METTL9: variants seen among roughly 807,000 people sequenced by gnomAD.
The protein encoded by METTL9 is protein-L-histidine N-pros-methyltransferase.
In METTL9, 10 loss-of-function variants were observed where a neutral mutation model predicts 36.0. The observed-to-expected ratio is 0.28, with a 90% CI of 0.17 to 0.47. METTL9 has a LOEUF of 0.47. Among genes scored for constraint, METTL9 ranks in the 20% least tolerant of loss-of-function variants. The probability of loss-of-function intolerance (pLI) is 0.99; values close to 1 mark genes in which losing one functional copy is unlikely to be tolerated. For missense variants in METTL9, 246 were observed against 383.5 expected (o/e 0.64, Z 3.00); for synonymous variants, 175 against 149.7 (o/e 1.17, Z -1.23).
At chr16:21,629,509 G>C (rs1046626653) in intron 4 of METTL9, among the ~76,000 whole-genome samples, 5 of 152,170 alleles carry the variant, frequency 3.3e-5, no homozygotes, top group African/African-American at 1.2e-4. Flanking sequence ...CAGGAATGAA[G>C]CTACAAACCT....
chr16:21,644,315 C>G, intron 4 of METTL9: 1 of 1,613,554 alleles, frequency 6.2e-7, no homozygotes, highest in Non-Finnish European at 8.5e-7. Context: ...GAAGGCCACG[C>G]ACACACCGGT....
rs57264395 is a variant in METTL9, at chr16:21,601,729, CTGTGTGTGTG to C, written c.165+1855_165+1864del. Among the ~76,000 whole-genome samples, 567 of 145,824 alleles carry C rather than the reference CTGTGTGTGTG, an allele frequency of 3.9e-3. 2 individuals carry two copies. Among genetic ancestry groups the C allele is most frequent in the Middle Eastern group, 0.011 (3 of 282 alleles). The stretch of plus-strand genomic sequence containing the variant: ...TTATTTCAGATACCGTATTTATATT[CTGTGTGTGTG>C]TGTGTGTGTGTGTGTGTGTGTGTAC... On this transcript the variant is annotated intron_variant, in intron 1 of 4. Transcript: ENST00000358154.
chr16:21,633,704 C>G (rs946071025), intron 4 of METTL9, among the ~76,000 whole-genome samples: 1 of 152,126 alleles, frequency 6.6e-6, no homozygotes, highest in Non-Finnish European at 1.5e-5. Flanking sequence ...CTCCACTGAC[C>G]GTTCAGTTTC....
rs917471479 is a variant in METTL9, at chr16:21,655,100, G to C, written c.752-127G>C. 40 of 751,414 alleles carry C rather than the reference G, an allele frequency of 5.3e-5. No homozygotes were observed. The African/African-American group carries it at 6.4e-4, about 12-fold the overall frequency. 46.5% of individuals were successfully genotyped at this position (751,414 alleles called of 1,614,324 possible). A position where few individuals can be genotyped will look rare whatever the true frequency, so the allele number is the denominator to read the frequency against. ...CAAAGAGTACCTGGGAAGTACAAAA[G>C]AGGTAACTCATGAAGCCCTCAGGCT... On this transcript the variant is annotated intron_variant, in intron 4 of 4. Coordinates refer to ENST00000358154, the MANE Select transcript of METTL9 (RefSeq NM_016025.5).
rs1418923432 is a variant in METTL9 at position 21,656,047 on chromosome 16, AG to A, written c.*621del. On this transcript the variant is annotated 3_prime_UTR_variant, in exon 5 of 5. Transcript: ENST00000358154. ...TGAGAATGACGCAGACAATTTGAATAGGGGGGAAGGAAGGCTTCAGACTTGG... is the reference window on the plus strand; with the variant it reads ...TGAGAATGACGCAGACAATTTGAATAGGGGGAAGGAAGGCTTCAGACTTGG... 1 of 151,444 alleles carries A rather than the reference AG, an allele frequency of 6.6e-6. No homozygotes were observed. The allele number at this position is 151,444 out of a possible 1,614,324, so 9.4% of individuals were successfully genotyped here.
chr16:21,621,195 A>G (rs954246246), intron 3 of METTL9, among the ~76,000 whole-genome samples: 2 of 151,818 alleles, frequency 1.3e-5, no homozygotes, highest in African/African-American at 2.4e-5. Flanking sequence ...TTGTGTGTGT[A>G]GAGACAGGAG....
intron 4 of METTL9, among the ~76,000 whole-genome samples, chr16:21,637,758 C>G (rs989647059): frequency 2.0e-5 from 3 of 152,234 alleles, no homozygotes; most frequent in African/African-American, 7.2e-5. Flanking sequence ...CACACTTCCC[C>G]GCGAGCAGAG....
intron 4 of METTL9, chr16:21,643,553 G>T: frequency 6.3e-7 from 1 of 1,599,828 alleles, no homozygotes. Context: ...TGTACCTTTT[G>T]TGAGTCTTCT....
At position 21,613,743 on chromosome 16, in the gene METTL9, C is replaced by T. The variant is rs181824326; in HGVS notation, c.356+908C>T. The stretch of plus-strand genomic sequence containing the variant: ...TGTTCTTAAATAATGTCTAGGTTCA[C>T]CAGAATTTTATGAACTTATTGTGGA... On this transcript the variant is annotated intron_variant, in intron 2 of 4. Transcript: ENST00000358154. Among the ~76,000 whole-genome samples the T allele has an allele frequency of 2.2e-3, 342 of 152,110 alleles. 2 individuals carry two copies. Among genetic ancestry groups the T allele is most frequent in the African/African-American group, 7.6e-3 (315 of 41,490 alleles).
chr16:21,625,960 C>T (rs535453378), intron 4 of METTL9, among the ~76,000 whole-genome samples: 115 of 152,206 alleles, frequency 7.6e-4, no homozygotes, highest in African/African-American at 2.6e-3. Context: ...TGCAGTGGTG[C>T]GATCTTGGCT....
chr16:21,624,780 G>C, intron 3 of METTL9, 151 bp from the exon 4 acceptor site: 1 of 705,784 alleles, frequency 1.4e-6, no homozygotes, highest in Non-Finnish European at 2.3e-6. Flanking sequence ...TCTCTTCCTT[G>C]GCCATGTCAT....
chr16:21,632,845 C>T (rs1965997619), intron 4 of METTL9, among the ~76,000 whole-genome samples: 1 of 152,142 alleles, frequency 6.6e-6, no homozygotes, highest in Non-Finnish European at 1.5e-5. Context: ...GTTGTGGGGT[C>T]ATCCCACAAG....
Position 21,599,644 on chromosome 16 carries a change from G to C in METTL9, c.-90G>C. ...AAGGCGGCCGCGATGGCTCGAGCTCGGGCGGTGGCGGCGGTGGCCGGAGGC... is the reference window on the plus strand; with the variant it reads ...AAGGCGGCCGCGATGGCTCGAGCTCCGGCGGTGGCGGCGGTGGCCGGAGGC... On this transcript the variant is annotated 5_prime_UTR_variant, in exon 1 of 5. Transcript: ENST00000358154. This position sits in a 1 kb window ranked among gnomAD's most constrained non-coding sequence, Gnocchi z 4.4. The C allele has an allele frequency of 3.0e-6, 4 of 1,344,160 alleles. No individual in the cohort carries two copies. Among genetic ancestry groups the C allele is most frequent in the South Asian group, 1.9e-5 (1 of 53,866 alleles). 83.3% of individuals were successfully genotyped at this position (1,344,160 alleles called of 1,614,324 possible). A position where few individuals can be genotyped will look rare whatever the true frequency, so the allele number is the denominator to read the frequency against.
Position 21,638,916 on chromosome 16 carries a change from T to C in METTL9, c.751+13801T>C, listed in dbSNP as rs149965081. On this transcript the variant is annotated intron_variant, in intron 4 of 4. Coordinates refer to ENST00000358154, the MANE Select transcript of METTL9 (RefSeq NM_016025.5). ...CAGTAAATAGTGTTGGCGCCTGAAA[T>C]CAATGACTGTACATCCCAAACTAAT... Among the ~76,000 whole-genome samples, 708 of 152,312 alleles carry C rather than the reference T, an allele frequency of 4.6e-3. 4 individuals carry two copies. The highest frequency in any genetic ancestry group is 0.017 in the Middle Eastern group (5 of 294).
chr16:21,607,685 G>A (rs1318153427), intron 1 of METTL9, among the ~76,000 whole-genome samples: 9 of 152,164 alleles, frequency 5.9e-5, no homozygotes, highest in Non-Finnish European at 1.3e-4. Context: ...AGCTTTAAAG[G>A]CAGATGCTAA....
Position 21,655,267 on chromosome 16 carries a change from C to A in METTL9, c.792C>A (p.Ile264=). 1 of 1,614,118 alleles carries A rather than the reference C, an allele frequency of 6.2e-7. No individual in the cohort carries two copies. The highest frequency in any genetic ancestry group is 1.1e-5 in the South Asian group (1 of 91,066). The change falls in exon 5 of 5, where the codon ATC becomes ATA. Residue 264 remains isoleucine (I), a synonymous_variant. Transcript: ENST00000358154. ...KWEKPSEILE[I]KGQNWEEQVN... is the part of the protein sequence containing the mutation. Reference sequence around the variant, plus strand: ...AGAAACCATCAGAAATTTTGGAAATCAAAGGACAGAACTGGGAAGAACAAG... The same window carrying A: ...AGAAACCATCAGAAATTTTGGAAATAAAAGGACAGAACTGGGAAGAACAAG...
At chr16:21,620,785 A>C (rs142991706) in intron 3 of METTL9, among the ~76,000 whole-genome samples, 1 of 152,256 alleles carries the variant, frequency 6.6e-6, no homozygotes, top group East Asian at 1.9e-4. Flanking sequence ...TTTTGTGACT[A>C]TTGGTGCAGT....
chr16:21,600,287 C>T (rs1192607093), intron 1 of METTL9, among the ~76,000 whole-genome samples: 2 of 152,200 alleles, frequency 1.3e-5, no homozygotes, highest in Non-Finnish European at 2.9e-5. Context: ...ACTGAAGAGA[C>T]CCGGCCAGAT....
intron 1 of METTL9, chr16:21,612,378 C>T (rs964070339): frequency 7.1e-6 from 2 of 282,088 alleles, no homozygotes. Flanking sequence ...AGCTGAATGA[C>T]CCAAAAGCCT....
Sources: allele counts gnomAD v4.1 joint callset (sites outside exome capture counted in the v4.1 genomes callset), GRCh38; gene constraint gnomAD v4.1.1; non-coding constraint Gnocchi (gnomAD v3.1); transcripts MANE v1.5; gene names NCBI Gene and HGNC (gene_info 2026-07-23, HGNC 2026-07-21).